The following PTPRG variants were observed in gnomAD, a reference collection of about 807,000 sequenced individuals.
PTPRG encodes the protein protein tyrosine phosphatase receptor type G.
A neutral mutation model predicts 165.3 loss-of-function variants in PTPRG; 102 were observed. That is an observed-to-expected ratio of 0.62 (90% CI 0.53 to 0.73). PTPRG has a LOEUF of 0.73. PTPRG is among the 30% of genes least tolerant of loss of function. The probability of loss-of-function intolerance (pLI) is 0.00; values close to 1 mark genes in which losing one functional copy is unlikely to be tolerated. For missense variants in PTPRG, 1,866 were observed against 1,861.4 expected (o/e 1.00, Z -0.05); for synonymous variants, 675 against 669.5 (o/e 1.01, Z -0.13).
chr3:61,934,455 C>T (rs962531942), intron 2 of PTPRG, among the ~76,000 whole-genome samples: 22 of 151,808 alleles, frequency 1.4e-4, no homozygotes, highest in Non-Finnish European at 1.6e-4. Context: ...TGACTTTTAA[C>T]GATATGCTGA....
chr3:62,136,974 G>A (rs1703731912), intron 6 of PTPRG, among the ~76,000 whole-genome samples: 1 of 152,130 alleles, frequency 6.6e-6, no homozygotes. Flanking sequence ...ATAAAGTGCT[G>A]TGTCTTACAT....
At chr3:61,781,651 A>G (rs1432783544) in intron 2 of PTPRG, among the ~76,000 whole-genome samples, 1 of 152,202 alleles carries the variant, frequency 6.6e-6, no homozygotes, top group Non-Finnish European at 1.5e-5. Context: ...TGATAATACT[A>G]TTCAGCTCTG....
At chr3:61,771,302 C>A (rs2034200652) in intron 2 of PTPRG, 1 of 151,834 alleles carries the variant, frequency 6.6e-6, no homozygotes, top group Non-Finnish European at 1.5e-5. Flanking sequence ...CAAGTTTGCT[C>A]TGGCACCAAA....
At chr3:61,672,539 G>A (rs1703044969) in intron 1 of PTPRG, among the ~76,000 whole-genome samples, 1 of 146,930 alleles carries the variant, frequency 6.8e-6, no homozygotes, top group African/African-American at 2.5e-5. Context: ...CCAACACAGC[G>A]AAACCCCGTC....
At chr3:62,055,496 G>A (rs1048897946) in intron 4 of PTPRG, among the ~76,000 whole-genome samples, 4 of 152,262 alleles carry the variant, frequency 2.6e-5, no homozygotes, top group African/African-American at 7.2e-5. Flanking sequence ...CTGTTTTTCA[G>A]ATACAGAAAA....
intron 9 of PTPRG, among the ~76,000 whole-genome samples, chr3:62,193,896 CT>C (rs1185368249): frequency 6.6e-6 from 1 of 152,240 alleles, no homozygotes; most frequent in African/African-American, 2.4e-5. Flanking sequence ...TAAGAAGAGT[CT>C]TTGAAAATCA....
intron 1 of PTPRG, among the ~76,000 whole-genome samples, chr3:61,616,860 G>A (rs1373502614): frequency 6.6e-6 from 1 of 152,202 alleles, no homozygotes; most frequent in Admixed American, 6.5e-5. Context: ...CACTGCTGCT[G>A]CAGGGGTGCT....
intron 5 of PTPRG, among the ~76,000 whole-genome samples, chr3:62,102,455 T>A (rs574232800): frequency 6.6e-6 from 1 of 152,154 alleles, no homozygotes; most frequent in East Asian, 1.9e-4. Flanking sequence ...GTATTTTTAG[T>A]AGAGATGGGG....
At chr3:61,584,240 C>T (rs1003064102) in intron 1 of PTPRG, among the ~76,000 whole-genome samples, 1 of 152,076 alleles carries the variant, frequency 6.6e-6, no homozygotes, top group African/African-American at 2.4e-5. Context: ...ACATTTAGAG[C>T]CTGAATTAAA....
At position 61,752,019 on chromosome 3, in the gene PTPRG, A is replaced by G. The variant is rs151166679; in HGVS notation, c.190+3037A>G. ...AGAAAAAAAAAAAGAAAACGTTAAC[A>G]TAGTCTCTGGCGTAAAGTAAGTAGT... On this transcript the variant is annotated intron_variant, in intron 2 of 29. Coordinates refer to ENST00000474889, the MANE Select transcript of PTPRG (RefSeq NM_002841.4). Among the ~76,000 whole-genome samples the G allele has an allele frequency of 2.6e-3, 392 of 152,194 alleles. 2 individuals are homozygous for G. Among genetic ancestry groups the G allele is most frequent in the South Asian group, 0.012 (56 of 4,820 alleles).
At chr3:61,587,345 T>A (rs1700456572) in intron 1 of PTPRG, among the ~76,000 whole-genome samples, 1 of 152,186 alleles carries the variant, frequency 6.6e-6, no homozygotes, top group African/African-American at 2.4e-5. Flanking sequence ...GTTAAGTTGA[T>A]CACATTTGTT....
At chr3:62,167,857 C>T in intron 7 of PTPRG, 114 bp from the exon 8 acceptor site, 1 of 1,080,994 alleles carries the variant, frequency 9.3e-7, no homozygotes, top group Non-Finnish European at 1.4e-6. Context: ...GCACTTCCTA[C>T]CGTTTCATGC....
At chr3:61,681,899 C>T (rs935059847) in intron 1 of PTPRG, among the ~76,000 whole-genome samples, 1 of 152,104 alleles carries the variant, frequency 6.6e-6, no homozygotes, top group African/African-American at 2.4e-5. Flanking sequence ...CCTGTAATCC[C>T]AGCACTTTGG....
intron 1 of PTPRG, among the ~76,000 whole-genome samples, chr3:61,644,865 C>G (rs1038624910): frequency 2.0e-5 from 3 of 152,212 alleles, no homozygotes; most frequent in Non-Finnish European, 4.4e-5. Context: ...GCAATACACT[C>G]ATTTGTCTTA....
intron 4 of PTPRG, among the ~76,000 whole-genome samples, chr3:62,031,912 T>G (rs976227566): frequency 6.6e-6 from 1 of 152,180 alleles, no homozygotes; most frequent in Non-Finnish European, 1.5e-5. Context: ...GAATTCTGTT[T>G]TAGATAAATG....
chr3:61,781,645 A>G (rs2034547135), intron 2 of PTPRG, among the ~76,000 whole-genome samples: 1 of 152,216 alleles, frequency 6.6e-6, no homozygotes, highest in South Asian at 2.1e-4. Flanking sequence ...TCAGTATGAT[A>G]ATACTATTCA....
At chr3:62,015,465 C>T (rs920681431) in intron 4 of PTPRG, among the ~76,000 whole-genome samples, 3 of 152,198 alleles carry the variant, frequency 2.0e-5, no homozygotes, top group Non-Finnish European at 2.9e-5. Context: ...TGTTCTCCAT[C>T]TCAGTTTCCT....
At chr3:61,669,167 G>T (rs1194358143) in intron 1 of PTPRG, among the ~76,000 whole-genome samples, 1 of 152,172 alleles carries the variant, frequency 6.6e-6, no homozygotes, top group Non-Finnish European at 1.5e-5. Context: ...TTGCTTGAGA[G>T]TGGACTAAGG....
At chr3:62,256,126 AATG>A (rs749784550) in intron 16 of PTPRG, among the ~76,000 whole-genome samples, 4 of 152,200 alleles carry the variant, frequency 2.6e-5, no homozygotes, top group Admixed American at 6.6e-5. Flanking sequence ...TTAAAATGGA[AATG>A]ATGATGATGA....
Sources: gnomAD v4.1 joint callset for allele counts (sites outside exome capture counted in the v4.1 genomes callset) on GRCh38, gnomAD v4.1.1 for gene constraint, MANE v1.5 for transcripts, NCBI Gene and HGNC (gene_info 2026-07-23, HGNC 2026-07-21) for gene names.